Variants in GOLGA3 observed in about 807,000 individuals in gnomAD.
The protein encoded by GOLGA3 is golgin subfamily A member 3.
GOLGA3 carries 75 observed loss-of-function variants against 169.4 expected under a neutral mutation model. The observed-to-expected ratio is 0.44, with a 90% confidence interval of 0.37 to 0.54. The LOEUF is 0.54. Ranked by LOEUF, GOLGA3 falls within the 20% of genes least tolerant of loss-of-function variation. The probability of loss-of-function intolerance (pLI) is 0.00; values close to 1 mark genes in which losing one functional copy is unlikely to be tolerated. For synonymous variants in GOLGA3, 824 were observed against 822.4 expected (o/e 1.00, Z -0.03); for missense variants, 1,899 against 1,930.0 (o/e 0.98, Z 0.30).
chr12:132,798,815 A>G (rs1490464729), intron 8 of GOLGA3, among the ~76,000 whole-genome samples: 2 of 152,164 alleles, frequency 1.3e-5, no homozygotes, highest in Non-Finnish European at 2.9e-5. Context: ...GAGCCCCTGT[A>G]GGTGAGGAGG....
chr12:132,825,694 C>T (rs556886773), intron 1 of GOLGA3: 34 of 1,194,756 alleles, frequency 2.8e-5, no homozygotes, highest in Non-Finnish European at 3.6e-5. Context: ...TTTCAGTGGC[C>T]GGGAAGATGG....
intron 16 of GOLGA3, among the ~76,000 whole-genome samples, chr12:132,782,905 A>G (rs920372492): frequency 4.6e-5 from 7 of 151,582 alleles, no homozygotes; most frequent in African/African-American, 1.7e-4. Flanking sequence ...AAAAGAAAAG[A>G]AAAGAAACAT....
rs1207606215 is a variant in GOLGA3 at position 132,770,161 on chromosome 12, T to C, written c.*2944A>G. The C allele has an allele frequency of 1.3e-5, 2 of 149,106 alleles. No homozygotes were observed. The highest frequency in any genetic ancestry group is 2.5e-5 in the African/African-American group (1 of 40,152). The allele number at this position is 149,106 out of a possible 1,614,324, so 9.2% of individuals were successfully genotyped here. On this transcript the variant is annotated 3_prime_UTR_variant, in exon 24 of 24. Transcript: ENST00000450791. ...GGCAGGAGAATCGCTTGAACCCAGA[T>C]GGCGGAGCTTGCAGTGAGCAGAGAT...
intron 5 of GOLGA3, 29 bp from the exon 6 acceptor site, chr12:132,807,317 T>C: frequency 7.7e-7 from 1 of 1,294,794 alleles, no homozygotes; most frequent in Non-Finnish European, 1.1e-6. Flanking sequence ...GTCAGGCCTG[T>C]GCGAGCCATC....
intron 10 of GOLGA3, 134 bp from the exon 11 acceptor site, chr12:132,796,354 G>A (rs1257343317): frequency 8.0e-7 from 1 of 1,244,616 alleles, no homozygotes; most frequent in Admixed American, 2.7e-5. Flanking sequence ...TCCTGGTATA[G>A]AAGAACCAGC....
chr12:132,797,240 C>T (rs936883831), intron 9 of GOLGA3, among the ~76,000 whole-genome samples: 3 of 152,202 alleles, frequency 2.0e-5, no homozygotes, highest in South Asian at 4.1e-4. Flanking sequence ...GAGGTGGGAG[C>T]AGTCGCAGGA....
At chr12:132,827,591 C>A (rs1257027742) in intron 1 of GOLGA3, 3 of 152,146 alleles carry the variant, frequency 2.0e-5, no homozygotes, top group African/African-American at 7.2e-5. Context: ...TAAAAGCCAA[C>A]TGAAGGCATT....
Position 132,789,441 on chromosome 12 carries a change from C to T in GOLGA3, c.2548-151G>A, listed in dbSNP as rs2046106828. On this transcript the variant is annotated intron_variant, in intron 12 of 23. Transcript: ENST00000450791. ...ATACATTTCATCAAATCTAAGACTC[C>T]ATCGACTGAGACACACCACTGTTTA... 4.8e-5 allele frequency: 32 copies of T among 669,184 alleles called. No homozygotes were observed. In the East Asian group the frequency reaches 8.8e-4, roughly 18 times the overall value. 41.5% of individuals were successfully genotyped at this position (669,184 alleles called of 1,614,324 possible).
In GOLGA3 at chr12:132,789,132, C is replaced by T. The variant is rs149984989; in HGVS notation, c.2706G>A (p.Ser902=). 2.3e-5 allele frequency: 37 copies of T among 1,613,218 alleles called. No homozygotes were observed. In the African/African-American group the frequency reaches 3.2e-4, roughly 14 times the overall value. The part of the protein sequence containing the change: ...GEKRTAEAEL[S]RLHREVAQVR... The stretch of plus-strand genomic sequence containing the variant: ...CCTGGGCCACCTCTCTGTGCAGGCG[C>T]GAGAGCTCCGCCTCGGCAGTCCGCT... Residue 902 remains serine, a synonymous_variant, in exon 13 of 24, where the codon TCG becomes TCA. Transcript: ENST00000450791.
At position 132,807,876 on chromosome 12, in the gene GOLGA3, T is replaced by C. The variant is rs1949493684; in HGVS notation, c.1178+15A>G. On this transcript the variant is annotated intron_variant, in intron 5 of 23. Coordinates refer to ENST00000450791, the MANE Select transcript of GOLGA3 (RefSeq NM_001389683.1). ...CACCTCCACCCACCCCGCCCACCTC[T>C]GCTGTCCCCACCACCTGCTGCAGAT... 2 of 718,962 alleles carry C rather than the reference T, an allele frequency of 2.8e-6. No homozygotes were observed. Among genetic ancestry groups the C allele is most frequent in the Non-Finnish European group, 4.3e-6 (2 of 466,732 alleles). 44.5% of individuals were successfully genotyped at this position (718,962 alleles called of 1,614,324 possible). A position where few individuals can be genotyped will look rare whatever the true frequency, so the allele number is the denominator to read the frequency against.
At chr12:132,780,236 C>CA (rs2045519874) in intron 18 of GOLGA3, among the ~76,000 whole-genome samples, 1 of 152,106 alleles carries the variant, frequency 6.6e-6, no homozygotes, top group Admixed American at 6.5e-5. Flanking sequence ...CATGTGCACA[C>CA]ACACGGCAAG....
At chr12:132,810,406 G>C (rs1422550273) in intron 4 of GOLGA3, among the ~76,000 whole-genome samples, 2 of 152,114 alleles carry the variant, frequency 1.3e-5, no homozygotes, top group Non-Finnish European at 1.5e-5. Context: ...AACTGTTCCA[G>C]TATAATAAAG....
At chr12:132,787,926 C>CCG (rs147957569) in intron 13 of GOLGA3, among the ~76,000 whole-genome samples, 1 of 91,050 alleles carries the variant, frequency 1.1e-5, no homozygotes, top group Non-Finnish European at 2.3e-5. Context: ...GGACCCCCCC[C>CCG]GGATGCCCTC....
chr12:132,806,564 C>A (rs1031536513), intron 6 of GOLGA3, among the ~76,000 whole-genome samples: 10 of 152,370 alleles, frequency 6.6e-5, no homozygotes, highest in Admixed American at 3.3e-4. Flanking sequence ...TGCGGCCTCG[C>A]AGGCCACAGG....
Position 132,822,143 on chromosome 12 carries a change from C to A in GOLGA3, c.-15G>T, listed in dbSNP as rs1392109593. ...GCGCCGTCCATGGTCAGGACGACAC[C>A]AGCTGAGCTGACGCTGAGGGGCTAC... On this transcript the variant is annotated 5_prime_UTR_variant, in exon 2 of 24. Coordinates refer to ENST00000450791, the MANE Select transcript of GOLGA3 (RefSeq NM_001389683.1). The A allele has an allele frequency of 5.0e-6, 8 of 1,593,634 alleles. No individual in the cohort carries two copies. The highest frequency in any genetic ancestry group is 6.8e-6 in the Non-Finnish European group (8 of 1,172,400).
chr12:132,813,153 T>A (rs1314119123), intron 4 of GOLGA3, among the ~76,000 whole-genome samples, 154 bp downstream of exon 4: 2 of 152,230 alleles, frequency 1.3e-5, no homozygotes, highest in Admixed American at 1.3e-4. Context: ...TCTTTGCTTT[T>A]CAATTGGCAG....
intron 23 of GOLGA3, among the ~76,000 whole-genome samples, 191 bp from the exon 24 acceptor site, chr12:132,773,485 C>G (rs1276267504): frequency 2.0e-5 from 3 of 152,246 alleles, no homozygotes; most frequent in Admixed American, 6.5e-5. Context: ...GACACAGGCT[C>G]AAGGACCAGT....
At chr12:132,773,351 G>T in intron 23 of GOLGA3, 57 bp from the exon 24 acceptor site, 1 of 1,130,576 alleles carries the variant, frequency 8.8e-7, no homozygotes, top group Non-Finnish European at 1.2e-6. Flanking sequence ...GGCAGAACGC[G>T]CCACCTGTGG....
In GOLGA3 at chr12:132,822,305, A is replaced by G; in HGVS notation, c.-177T>C. 1 of 1,344,432 alleles carries G rather than the reference A, an allele frequency of 7.4e-7. No individual in the cohort carries two copies. Among genetic ancestry groups the G allele is most frequent in the Non-Finnish European group, 9.5e-7 (1 of 1,047,898 alleles). The allele number at this position is 1,344,432 out of a possible 1,614,324, so 83.3% of individuals were successfully genotyped here. On this transcript the variant is annotated 5_prime_UTR_variant, in exon 2 of 24. An upstream start codon of the reference 5' UTR is lost. Transcript: ENST00000450791. ...ACTTGATGTCAAACCAGCTAATATC[A>G]TGATACCTGACAGGAGAGAGAGACA...
Sources: gnomAD v4.1 joint callset for allele counts (sites outside exome capture counted in the v4.1 genomes callset) on GRCh38, gnomAD v4.1.1 for gene constraint, MANE v1.5 for transcripts, NCBI Gene and HGNC (gene_info 2026-07-23, HGNC 2026-07-21) for gene names.